Variants in ARB2A observed in about 807,000 individuals in gnomAD.
The protein encoded by ARB2A is ARB2 cotranscriptional regulator A.
At chr5:93,821,673 A>G in the ARB2A span, among the ~76,000 whole-genome samples, 4 of 152,066 alleles carry the variant, frequency 2.6e-5, no homozygotes, top group African/African-American at 4.8e-5. Context: ...AAACATTTCA[A>G]TGTTTATTAT....
the ARB2A span, among the ~76,000 whole-genome samples, chr5:94,098,920 G>A: frequency 1.2e-4 from 18 of 152,106 alleles, no homozygotes; most frequent in Admixed American, 3.9e-4. Flanking sequence ...CTCCCAAGAC[G>A]GAGCCAGAAA....
At chr5:93,919,508 T>A in the ARB2A span, among the ~76,000 whole-genome samples, 1 of 152,156 alleles carries the variant, frequency 6.6e-6, no homozygotes, top group Non-Finnish European at 1.5e-5. Context: ...ATGAAGGGAA[T>A]TGTAATTCTT....
the ARB2A span, among the ~76,000 whole-genome samples, chr5:94,018,907 A>C: frequency 2.0e-5 from 3 of 152,190 alleles, no homozygotes; most frequent in Non-Finnish European, 4.4e-5. Context: ...CCTGACTTCA[A>C]ACTATACTAC....
chr5:93,897,647 C>T, the ARB2A span, among the ~76,000 whole-genome samples: 225 of 151,806 alleles, frequency 1.5e-3, no homozygotes, highest in Non-Finnish European at 2.5e-3. Flanking sequence ...TATTATAATA[C>T]AATATTGGCT....
chr5:93,777,298 T>TA, the ARB2A span, among the ~76,000 whole-genome samples: 1 of 151,946 alleles, frequency 6.6e-6, no homozygotes, highest in African/African-American at 2.4e-5. Flanking sequence ...CCCTAAAACT[T>TA]AAAGTATAAT....
At chr5:94,021,959 T>C in the ARB2A span, among the ~76,000 whole-genome samples, 5 of 152,112 alleles carry the variant, frequency 3.3e-5, no homozygotes, top group Non-Finnish European at 7.4e-5. Flanking sequence ...TAGTCCCAGC[T>C]ACTAGGGAGG....
the ARB2A span, among the ~76,000 whole-genome samples, chr5:94,025,537 T>C: frequency 2.6e-5 from 4 of 152,194 alleles, no homozygotes; most frequent in African/African-American, 9.7e-5. Flanking sequence ...GAGATGGGGA[T>C]ACCCAGTCCA....
the ARB2A span, among the ~76,000 whole-genome samples, chr5:93,977,703 T>G: frequency 6.6e-6 from 1 of 152,124 alleles, no homozygotes; most frequent in Non-Finnish European, 1.5e-5. Flanking sequence ...GATGGTGGCC[T>G]AAGCAAAGAA....
At chr5:93,682,968 G>A in the ARB2A span, 7 of 1,581,138 alleles carry the variant, frequency 4.4e-6, no homozygotes, top group African/African-American at 9.4e-5. Flanking sequence ...ATACTTGCTT[G>A]CATTTTTGCT....
At chr5:93,907,581 T>A in the ARB2A span, among the ~76,000 whole-genome samples, 2 of 151,460 alleles carry the variant, frequency 1.3e-5, no homozygotes, top group Admixed American at 1.3e-4. Flanking sequence ...GTCAAAATCA[T>A]AAAAATGAAT....
the ARB2A span, among the ~76,000 whole-genome samples, chr5:94,081,313 A>G: frequency 5.3e-5 from 8 of 152,222 alleles, no homozygotes; most frequent in Non-Finnish European, 1.2e-4. Flanking sequence ...CAGAGTTACC[A>G]TATGACCCAG....
chr5:93,963,794 C>T, the ARB2A span, among the ~76,000 whole-genome samples: 11 of 152,042 alleles, frequency 7.2e-5, no homozygotes, highest in African/African-American at 2.2e-4. Context: ...GTTTCACACA[C>T]GATTACAATC....
the ARB2A span, among the ~76,000 whole-genome samples, chr5:93,627,475 A>C: frequency 7.6e-6 from 1 of 131,944 alleles, no homozygotes; most frequent in African/African-American, 3.1e-5. Flanking sequence ...ATGGAGTCTC[A>C]CTCTGTCACC....
the ARB2A span, among the ~76,000 whole-genome samples, chr5:93,986,243 T>C: frequency 6.8e-6 from 1 of 147,298 alleles, no homozygotes; most frequent in Non-Finnish European, 1.5e-5. Context: ...GTCTGAGAAG[T>C]GAGGAGCCCC....
At chr5:93,629,281 T>TTA in the ARB2A span, among the ~76,000 whole-genome samples, 1 of 152,274 alleles carries the variant, frequency 6.6e-6, no homozygotes, top group South Asian at 2.1e-4. Flanking sequence ...CCCAAAATAG[T>TTA]TATAATATTA....
chr5:93,951,907 A>G, the ARB2A span, among the ~76,000 whole-genome samples: 2 of 152,256 alleles, frequency 1.3e-5, no homozygotes, highest in Admixed American at 1.3e-4. Flanking sequence ...AATATAAGAG[A>G]TAACTTACAA....
At chr5:93,835,178 A>C in the ARB2A span, among the ~76,000 whole-genome samples, 1 of 152,224 alleles carries the variant, frequency 6.6e-6, no homozygotes, top group African/African-American at 2.4e-5. Flanking sequence ...GAAGTGATGC[A>C]GTAACCAAAG....
chr5:93,762,575 T>C, the ARB2A span, among the ~76,000 whole-genome samples: 48 of 152,222 alleles, frequency 3.2e-4, 1 homozygote, highest in Admixed American at 3.1e-3. Flanking sequence ...CTATGTCTGA[T>C]TGGTGTACCT....
chr5:93,999,556 G>A, the ARB2A span, among the ~76,000 whole-genome samples: 1 of 151,822 alleles, frequency 6.6e-6, no homozygotes, highest in Non-Finnish European at 1.5e-5. Context: ...TCGAGAGGAA[G>A]GTACAGAGAT....
Sources: gnomAD v4.1 joint callset for allele counts (sites outside exome capture counted in the v4.1 genomes callset) on GRCh38, gnomAD v4.1.1 for gene constraint, MANE v1.5 for transcripts, NCBI Gene and HGNC (gene_info 2026-07-23, HGNC 2026-07-21) for gene names.